The following SLC9A9 variants were observed in gnomAD, a reference collection of about 807,000 sequenced individuals.
The protein encoded by SLC9A9 is sodium/hydrogen exchanger 9.
Under a neutral mutation model 77.8 loss-of-function variants are expected in SLC9A9, and 62 were observed. The observed-to-expected ratio is 0.80, with a 90% CI of 0.65 to 0.98. The LOEUF (loss-of-function observed/expected upper bound fraction) is 0.98. Ranked by LOEUF, SLC9A9 falls within the 50% of genes least tolerant of loss-of-function variation. The pLI is 0.00. For synonymous variants in SLC9A9, 320 were observed against 283.5 expected (o/e 1.13, Z -1.29); for missense variants, 775 against 774.9 (o/e 1.00, Z 0.00).
intron 4 of SLC9A9, among the ~76,000 whole-genome samples, chr3:143,701,458 T>A (rs9845046): frequency 0.63 from 96,524 of 152,048 alleles, 31,928 homozygotes; most frequent in East Asian, 0.88. Context: ...AATGAAGAGA[T>A]TGAAATAATT....
chr3:143,689,378 C>G (rs555248937), intron 5 of SLC9A9, among the ~76,000 whole-genome samples: 36 of 152,234 alleles, frequency 2.4e-4, no homozygotes, highest in African/African-American at 7.9e-4. Flanking sequence ...TCTTCGACTA[C>G]TAAAGATAAT....
intron 4 of SLC9A9, among the ~76,000 whole-genome samples, chr3:143,719,092 G>A (rs895110358): frequency 6.6e-6 from 1 of 152,280 alleles, no homozygotes; most frequent in African/African-American, 2.4e-5. Flanking sequence ...TTTGTATTTG[G>A]TTCTTATAGG....
Position 143,606,436 on chromosome 3 carries a change from C to CTCTCTCTCTCTA in SLC9A9, c.756-27714_756-27713insTAGAGAGAGAGA, listed in dbSNP as rs1419410834. ...TCTCTCTCTCTCTCTCTCTCTCTCT[C>CTCTCTCTCTCTA]TATATATATATATATATATATATAT... On this transcript the variant is annotated intron_variant, in intron 6 of 15. Transcript: ENST00000316549. Among the ~76,000 whole-genome samples the CTCTCTCTCTCTA allele has an allele frequency of 9.2e-3, 498 of 54,180 alleles. 9 individuals are homozygous for CTCTCTCTCTCTA. Among genetic ancestry groups the CTCTCTCTCTCTA allele is most frequent in the Middle Eastern group, 0.013 (1 of 76 alleles). The allele number at this position is 54,180 out of a possible 152,430, so 35.5% of individuals were successfully genotyped here.
intron 4 of SLC9A9, among the ~76,000 whole-genome samples, chr3:143,712,462 A>G (rs147709291): frequency 1.3e-5 from 2 of 152,336 alleles, no homozygotes; most frequent in Admixed American, 1.3e-4. Flanking sequence ...ATAGAATGAA[A>G]AAAGATAACG....
Position 143,574,124 on chromosome 3 carries a change from T to C in SLC9A9, c.964A>G (p.Ser322Gly), listed in dbSNP as rs1253774660. 1.2e-6 allele frequency: 2 copies of C among 1,613,380 alleles called. No homozygotes were observed. Among genetic ancestry groups the C allele is most frequent in the African/African-American group, 2.7e-5 (2 of 74,854 alleles). Residue 322 changes from serine (S) to glycine (G), a missense_variant, in exon 8 of 16, where the codon AGT (serine) becomes GGT (glycine). Physicochemically the swap from Ser to Gly is moderately conservative, Grantham distance 56. Transcript: ENST00000316549. Reference protein sequence around the residue: ...ETGLFFLLSWSAFLSAEAAGL... With the variant: ...ETGLFFLLSWGAFLSAEAAGL... ...GCAGCCTCGGCAGACAGGAAGGCACTCCAAGAAAGCAGGAAAAACAGGCCG... is the reference window on the plus strand; with the variant it reads ...GCAGCCTCGGCAGACAGGAAGGCACCCCAAGAAAGCAGGAAAAACAGGCCG...
At chr3:143,552,331 G>T in intron 9 of SLC9A9, 31 bp downstream of exon 9, 1 of 1,524,420 alleles carries the variant, frequency 6.6e-7, no homozygotes, top group South Asian at 1.1e-5. Context: ...TGAGAAAAGA[G>T]ACCAAGTCTG....
At chr3:143,336,224 C>A (rs1425193386) in intron 14 of SLC9A9, among the ~76,000 whole-genome samples, 1 of 152,084 alleles carries the variant, frequency 6.6e-6, no homozygotes, top group Non-Finnish European at 1.5e-5. Context: ...TGGCTACTAT[C>A]ATAAAAACAG....
At chr3:143,332,537 A>T (rs1460142552) in intron 14 of SLC9A9, among the ~76,000 whole-genome samples, 2 of 152,206 alleles carry the variant, frequency 1.3e-5, no homozygotes, top group East Asian at 3.8e-4. Context: ...AGTTCAAGTC[A>T]TTGGTTCTCA....
intron 12 of SLC9A9, among the ~76,000 whole-genome samples, chr3:143,433,476 G>A (rs1317175489): frequency 1.3e-5 from 2 of 152,162 alleles, no homozygotes; most frequent in Admixed American, 6.5e-5. Flanking sequence ...AGATAGAAAT[G>A]AGTAGAAATT....
At chr3:143,665,918 A>G (rs1320651971) in intron 5 of SLC9A9, among the ~76,000 whole-genome samples, 1 of 152,246 alleles carries the variant, frequency 6.6e-6, no homozygotes, top group Non-Finnish European at 1.5e-5. Context: ...AGGAGCTGGC[A>G]CCATTCCTTC....
chr3:143,661,258 TA>T (rs774840874), intron 5 of SLC9A9, among the ~76,000 whole-genome samples: 7 of 152,212 alleles, frequency 4.6e-5, no homozygotes, highest in Non-Finnish European at 8.8e-5. Flanking sequence ...TTGTATTTTC[TA>T]AAATTTCTAC....
At position 143,363,550 on chromosome 3, in the gene SLC9A9, A is replaced by G. The variant is rs1350689433; in HGVS notation, c.1538T>C (p.Leu513Ser). 1 of 1,612,714 alleles carries G rather than the reference A, an allele frequency of 6.2e-7. No individual in the cohort carries two copies. Among genetic ancestry groups the G allele is most frequent in the African/African-American group, 1.3e-5 (1 of 74,864 alleles). The change falls in exon 14 of 16, where the codon TTG becomes TCG. Residue 513 changes from leucine (L) to serine (S), a missense_variant. Transcript: ENST00000316549. ...PSSQHQEANN[L>S]DKNMTKAESA... ...CTCTGCTTTCGTCATGTTTTTATCCAAGTTATTTGCTTCCTGGGGAGAAAC... is the reference window on the plus strand; with the variant it reads ...CTCTGCTTTCGTCATGTTTTTATCCGAGTTATTTGCTTCCTGGGGAGAAAC...
At chr3:143,812,022 G>A (rs907124629) in intron 2 of SLC9A9, among the ~76,000 whole-genome samples, 4 of 152,104 alleles carry the variant, frequency 2.6e-5, no homozygotes, top group African/African-American at 9.7e-5. Flanking sequence ...GGAATAGAGG[G>A]GAAGGTAAAG....
intron 2 of SLC9A9, among the ~76,000 whole-genome samples, chr3:143,800,057 T>C (rs1210728810): frequency 6.6e-6 from 1 of 152,178 alleles, no homozygotes; most frequent in Non-Finnish European, 1.5e-5. Flanking sequence ...AGTCGAGACA[T>C]TTTAACTAAA....
intron 4 of SLC9A9, 40 bp downstream of exon 4, chr3:143,794,961 C>G (rs1280427023): frequency 3.2e-6 from 5 of 1,581,688 alleles, no homozygotes; most frequent in Non-Finnish European, 4.3e-6. Flanking sequence ...GATCACAGAC[C>G]CCACAGCCAC....
At chr3:143,351,684 C>A (rs1037865684) in intron 14 of SLC9A9, among the ~76,000 whole-genome samples, 1 of 152,118 alleles carries the variant, frequency 6.6e-6, no homozygotes, top group African/African-American at 2.4e-5. Flanking sequence ...ATGTACTCAT[C>A]ATAAACTTGA....
chr3:143,786,013 T>C (rs934066918), intron 4 of SLC9A9, among the ~76,000 whole-genome samples: 1 of 151,610 alleles, frequency 6.6e-6, no homozygotes, highest in Admixed American at 6.6e-5. Context: ...CGCGCCACCA[T>C]GCCCGGCTAA....
intron 13 of SLC9A9, among the ~76,000 whole-genome samples, chr3:143,375,249 T>G (rs1181378983): frequency 6.6e-6 from 1 of 152,242 alleles, no homozygotes; most frequent in Non-Finnish European, 1.5e-5. Flanking sequence ...ACTGTTTACA[T>G]TGGCTCATGT....
chr3:143,389,762 T>C (rs1433913142), intron 12 of SLC9A9, among the ~76,000 whole-genome samples: 1 of 152,204 alleles, frequency 6.6e-6, no homozygotes, highest in African/African-American at 2.4e-5. Flanking sequence ...TAATGAGTTC[T>C]TCAAGGTCAA....
Sources: allele counts gnomAD v4.1 joint callset (sites outside exome capture counted in the v4.1 genomes callset), GRCh38; gene constraint gnomAD v4.1.1; transcripts MANE v1.5; gene names NCBI Gene and HGNC (gene_info 2026-07-23, HGNC 2026-07-21).